Variants in SLC35F4 observed in about 807,000 individuals in gnomAD.
SLC35F4 encodes the protein chromosome 14 open reading frame 36.
In SLC35F4, 24 loss-of-function variants were observed where a neutral mutation model predicts 44.2. The ratio of observed to expected loss-of-function variants is 0.54; its 90% CI spans 0.39 to 0.76. The LOEUF (loss-of-function observed/expected upper bound fraction) is 0.76. Ranked by LOEUF, SLC35F4 falls within the 30% of genes least tolerant of loss-of-function variation. SLC35F4 has a pLI of 0.00. For missense variants in SLC35F4, 562 were observed against 586.1 expected, an observed-to-expected ratio of 0.96 and a Z score of 0.42; for synonymous variants, 238 against 223.6, an observed-to-expected ratio of 1.06 and a Z score of -0.57.
At chr14:57,861,231 G>A (rs1887652825) in intron 1 of SLC35F4, among the ~76,000 whole-genome samples, 1 of 151,968 alleles carries the variant, frequency 6.6e-6, no homozygotes, top group African/African-American at 2.4e-5. Flanking sequence ...TTTCTACTTG[G>A]AGAAGACTGC....
chr14:57,772,383 ATT>A (rs5808942), intron 1 of SLC35F4, among the ~76,000 whole-genome samples: 12,956 of 151,736 alleles, frequency 0.085, 628 homozygotes, highest in Middle Eastern at 0.12. Flanking sequence ...TTTAGTTTTT[ATT>A]TTTTTTGATT....
intron 1 of SLC35F4, among the ~76,000 whole-genome samples, chr14:57,956,342 A>G (rs1890237160): frequency 6.6e-6 from 1 of 152,266 alleles, no homozygotes; most frequent in South Asian, 2.1e-4. Flanking sequence ...AAAACCCAGA[A>G]GAAAACCTAG....
At chr14:57,877,149 T>G (rs8018043) in intron 1 of SLC35F4, among the ~76,000 whole-genome samples, 4 of 151,846 alleles carry the variant, frequency 2.6e-5, no homozygotes, top group Non-Finnish European at 5.9e-5. Flanking sequence ...TTCAATCCTT[T>G]CCCTCCTCCC....
At chr14:57,599,697 C>G (rs948859713) in intron 1 of SLC35F4, among the ~76,000 whole-genome samples, 7 of 150,800 alleles carry the variant, frequency 4.6e-5, no homozygotes, top group Non-Finnish European at 7.4e-5. Context: ...CAAAAATTCT[C>G]GTGTTGAGGC....
At chr14:57,665,515 G>A (rs2074278289) in intron 1 of SLC35F4, among the ~76,000 whole-genome samples, 1 of 152,172 alleles carries the variant, frequency 6.6e-6, no homozygotes, top group Non-Finnish European at 1.5e-5. Context: ...ACAGGAAGTG[G>A]CAGAGGCAGT....
Position 57,740,851 on chromosome 14 carries a change from A to G in SLC35F4, c.103+124872T>C, listed in dbSNP as rs147331681. On this transcript the variant is annotated intron_variant, in intron 1 of 7. Transcript: ENST00000556826. ...TCCTCAAGTGGGTTCCTGACCCCCA[A>G]GTAGCCTAATTGGGAGACACCTCCC... Among the ~76,000 whole-genome samples, 35 of 152,342 alleles carry G rather than the reference A, an allele frequency of 2.3e-4. No homozygotes were observed. The East Asian group carries it at 6.4e-3, about 28-fold the overall frequency.
chr14:57,950,253 T>C (rs939777191), intron 1 of SLC35F4, among the ~76,000 whole-genome samples: 1 of 151,968 alleles, frequency 6.6e-6, no homozygotes, highest in Non-Finnish European at 1.5e-5. Context: ...CTTTGTCTGA[T>C]TGGGTTAATT....
At chr14:57,981,810 AT>A (rs1377268144) in intron 1 of SLC35F4, 1 of 151,590 alleles carries the variant, frequency 6.6e-6, no homozygotes, top group Non-Finnish European at 1.5e-5. Context: ...ATTATATGCC[AT>A]TTAAGAGAGA....
chr14:57,966,588 A>G (rs2141091838), intron 1 of SLC35F4, among the ~76,000 whole-genome samples: 1 of 152,370 alleles, frequency 6.6e-6, no homozygotes, highest in Admixed American at 6.5e-5. Flanking sequence ...CAAGCAATTT[A>G]CGTGGGGAAT....
At chr14:57,754,672 C>T (rs1009945428) in intron 1 of SLC35F4, among the ~76,000 whole-genome samples, 6 of 152,234 alleles carry the variant, frequency 3.9e-5, no homozygotes, top group African/African-American at 1.4e-4. Flanking sequence ...TATCAGGGCT[C>T]ATGAATTATG....
rs189050848 is a variant in SLC35F4 at position 57,813,562 on chromosome 14, A to T, written c.103+52161T>A. On this transcript the variant is annotated intron_variant, in intron 1 of 7. Coordinates refer to ENST00000556826, the MANE Select transcript of SLC35F4 (RefSeq NM_001306087.2). ...CAGAGTGAGACTGTCTCAAAAAAAT[A>T]AAAAAAAGTATTTTAATAAATATTA... 5.0e-3 allele frequency among the ~76,000 whole-genome samples: 752 copies of T among 151,750 alleles called. 5 individuals carry two copies. Among genetic ancestry groups the T allele is most frequent in the South Asian group, 0.029 (142 of 4,828 alleles).
At chr14:57,687,318 G>A (rs1371348796) in intron 1 of SLC35F4, among the ~76,000 whole-genome samples, 3 of 152,256 alleles carry the variant, frequency 2.0e-5, no homozygotes, top group South Asian at 2.1e-4. Context: ...GGTACCATGG[G>A]ACGTATTGAA....
chr14:57,807,466 C>T, intron 1 of SLC35F4, among the ~76,000 whole-genome samples: 1 of 151,976 alleles, frequency 6.6e-6, no homozygotes, highest in East Asian at 1.9e-4. Context: ...TGTTTTACAT[C>T]TCAACTTGTT....
At chr14:57,817,134 T>C (rs1321421123) in intron 1 of SLC35F4, among the ~76,000 whole-genome samples, 1 of 152,162 alleles carries the variant, frequency 6.6e-6, no homozygotes, top group East Asian at 1.9e-4. Flanking sequence ...AGATGACAGA[T>C]GAATCACTAG....
intron 1 of SLC35F4, among the ~76,000 whole-genome samples, chr14:57,637,724 C>A (rs1427772556): frequency 6.6e-6 from 1 of 152,048 alleles, no homozygotes; most frequent in South Asian, 2.1e-4. Context: ...AACATTATTA[C>A]AAACAATTCC....
chr14:57,578,257 C>A (rs1352491990), intron 4 of SLC35F4, among the ~76,000 whole-genome samples: 2 of 141,792 alleles, frequency 1.4e-5, no homozygotes, highest in Non-Finnish European at 3.0e-5. Context: ...TGTTTCTAAA[C>A]TACTGATGCT....
intron 1 of SLC35F4, among the ~76,000 whole-genome samples, chr14:57,654,675 T>C (rs1474660705): frequency 2.6e-5 from 4 of 152,232 alleles, no homozygotes; most frequent in African/African-American, 9.6e-5. Context: ...CATACTGTTT[T>C]CCATAATGGT....
intron 1 of SLC35F4, among the ~76,000 whole-genome samples, chr14:57,923,242 T>C (rs1889478277): frequency 6.6e-6 from 1 of 152,234 alleles, no homozygotes; most frequent in African/African-American, 2.4e-5. Flanking sequence ...CTGTATGAGA[T>C]TGATTCATAT....
At chr14:57,600,411 G>A (rs888599688) in intron 1 of SLC35F4, among the ~76,000 whole-genome samples, 51 of 151,878 alleles carry the variant, frequency 3.4e-4, no homozygotes, top group Non-Finnish European at 6.9e-4. Context: ...AATAACTAGG[G>A]GCCGGGCGCG....
Sources: allele counts gnomAD v4.1 joint callset (sites outside exome capture counted in the v4.1 genomes callset), GRCh38; gene constraint gnomAD v4.1.1; transcripts MANE v1.5; gene names NCBI Gene and HGNC (gene_info 2026-07-23, HGNC 2026-07-21).